Variants in YIPF7 observed in about 807,000 individuals in gnomAD.
YIPF7 encodes Yip1 domain family member 7, also known as protein YIPF7.
YIPF7 carries 35 observed loss-of-function variants against 27.2 expected under a neutral mutation model. The ratio of observed to expected loss-of-function variants is 1.29; its 90% CI spans 0.98 to 1.70. The LOEUF is 1.70. YIPF7 is among the 40% of genes most tolerant of loss of function. The probability of loss-of-function intolerance (pLI) is 0.00; values close to 1 mark genes in which losing one functional copy is unlikely to be tolerated. For synonymous variants in YIPF7, 137 were observed against 110.4 expected, an observed-to-expected ratio of 1.24 and a Z score of -1.51; for missense variants, 358 against 303.7, an observed-to-expected ratio of 1.18 and a Z score of -1.33.
At chr4:44,646,707 T>C (rs1713537656) in intron 2 of YIPF7, among the ~76,000 whole-genome samples, 1 of 152,104 alleles carries the variant, frequency 6.6e-6, no homozygotes, top group African/African-American at 2.4e-5. Flanking sequence ...CTTCACCGTC[T>C]TAGTGAGCAC....
At chr4:44,626,763 C>CTTTTTTTTTTTTTTTTTTTTTT (rs71190269) in intron 4 of YIPF7, among the ~76,000 whole-genome samples, 3 of 69,768 alleles carry the variant, frequency 4.3e-5, no homozygotes, top group Non-Finnish European at 2.4e-5. Context: ...ATTAGCACAT[C>CTTTTTTTTTTTTTTTTTTTTTT]TTTTTTTTTT....
At chr4:44,642,022 G>A (rs1713343350) in intron 2 of YIPF7, among the ~76,000 whole-genome samples, 1 of 151,690 alleles carries the variant, frequency 6.6e-6, no homozygotes, top group Non-Finnish European at 1.5e-5. Context: ...AAAATGAAAG[G>A]GACACACAAA....
At chr4:44,656,519 G>A (rs1713905347), upstream of YIPF7, among the ~76,000 whole-genome samples, 2 of 151,872 alleles carry the variant, frequency 1.3e-5, 1 homozygote, top group Admixed American at 1.3e-4. Flanking sequence ...TAAAATATGA[G>A]GATTAGATAG....
upstream of YIPF7, among the ~76,000 whole-genome samples, chr4:44,654,201 G>T (rs1395726490): frequency 6.6e-6 from 1 of 151,834 alleles, no homozygotes; most frequent in East Asian, 1.9e-4. Context: ...CATTTAAGTG[G>T]GTTTTTTCCA....
At chr4:44,636,568 T>G (rs1475290333) in intron 2 of YIPF7, among the ~76,000 whole-genome samples, 1 of 152,038 alleles carries the variant, frequency 6.6e-6, no homozygotes, top group Non-Finnish European at 1.5e-5. Flanking sequence ...CCTCCAAATA[T>G]GTGGAAGCAG....
At chr4:44,654,616 G>T (rs2109604740), upstream of YIPF7, among the ~76,000 whole-genome samples, 1 of 152,058 alleles carries the variant, frequency 6.6e-6, no homozygotes. Context: ...CAGACTATTT[G>T]ATAGACATTT....
intron 4 of YIPF7, among the ~76,000 whole-genome samples, chr4:44,627,893 A>G (rs1301894685): frequency 6.6e-6 from 1 of 152,164 alleles, no homozygotes; most frequent in Non-Finnish European, 1.5e-5. Flanking sequence ...CTTTGTATTT[A>G]AAATATAAGA....
At chr4:44,652,506 C>A (rs1199356811), upstream of YIPF7, among the ~76,000 whole-genome samples, 1 of 152,224 alleles carries the variant, frequency 6.6e-6, no homozygotes, top group East Asian at 1.9e-4. Context: ...ACTTAAGAAT[C>A]TTCAACTGGA....
chr4:44,629,741 T>TA (rs1712817042), intron 3 of YIPF7, among the ~76,000 whole-genome samples, 193 bp from the exon 4 acceptor site: 2 of 152,070 alleles, frequency 1.3e-5, no homozygotes, highest in African/African-American at 2.4e-5. Flanking sequence ...ATAATAATCT[T>TA]AAAAAACAAA....
intron 3 of YIPF7, among the ~76,000 whole-genome samples, chr4:44,630,150 T>C (rs1712836058): frequency 6.6e-6 from 1 of 152,058 alleles, no homozygotes; most frequent in Non-Finnish European, 1.5e-5. Context: ...TTTTCTTCCA[T>C]AGTGGCGAGG....
chr4:44,640,088 T>C (rs188001975), intron 2 of YIPF7, among the ~76,000 whole-genome samples: 22 of 152,310 alleles, frequency 1.4e-4, no homozygotes, highest in African/African-American at 4.8e-4. Context: ...TGCATTTGGT[T>C]TGCTAGTATT....
At chr4:44,654,574 A>C (rs1023187290), upstream of YIPF7, among the ~76,000 whole-genome samples, 1 of 151,934 alleles carries the variant, frequency 6.6e-6, no homozygotes, top group Non-Finnish European at 1.5e-5. Flanking sequence ...TCCCAAAGTT[A>C]CATATGCATC....
intron 4 of YIPF7, among the ~76,000 whole-genome samples, chr4:44,628,411 C>T (rs577484522): frequency 6.6e-6 from 1 of 152,156 alleles, no homozygotes; most frequent in South Asian, 2.1e-4. Flanking sequence ...ATTGTATATC[C>T]ATTGGAAGAA....
At chr4:44,630,834 GAGATGAACTA>G (rs1374151582) in intron 3 of YIPF7, among the ~76,000 whole-genome samples, 1 of 152,170 alleles carries the variant, frequency 6.6e-6, no homozygotes, top group African/African-American at 2.4e-5. Context: ...CGCTTCTGTA[GAGATGAACTA>G]AGATGTATCT....
intron 2 of YIPF7, 71 bp downstream of exon 2, chr4:44,649,914 A>G (rs1335726070): frequency 1.2e-6 from 1 of 842,094 alleles, no homozygotes; most frequent in Admixed American, 2.9e-5. Flanking sequence ...AATATATTGA[A>G]TTTTTACAAT....
intron 3 of YIPF7, 101 bp downstream of exon 3, chr4:44,635,821 A>T: frequency 7.6e-7 from 1 of 1,322,474 alleles, no homozygotes; most frequent in Non-Finnish European, 1.0e-6. Flanking sequence ...ACAATCAAAC[A>T]TAAGACACTG....
Position 44,629,448 on chromosome 4 carries a change from A to C in YIPF7, c.381T>G (p.Thr127=), listed in dbSNP as rs376356565. ...DGSIMNETDL[T]GPILFCVALG... ...GGGCTACGCAAAAAAGAATGGGTCCAGTGAGGTCCGTTTCATTCATAATGC... is the reference window on the plus strand; with the variant it reads ...GGGCTACGCAAAAAAGAATGGGTCCCGTGAGGTCCGTTTCATTCATAATGC... The change falls in exon 4 of 6, where the codon ACT becomes ACG. Residue 127 remains threonine, a synonymous_variant. Transcript: ENST00000415895. 1.9e-6 allele frequency: 3 copies of C among 1,603,158 alleles called. No individual in the cohort carries two copies. Among genetic ancestry groups the C allele is most frequent in the South Asian group, 1.1e-5 (1 of 88,680 alleles).
At chr4:44,635,278 G>A (rs1325986531) in intron 3 of YIPF7, among the ~76,000 whole-genome samples, 2 of 151,574 alleles carry the variant, frequency 1.3e-5, no homozygotes, top group African/African-American at 4.9e-5. Flanking sequence ...ATACAGACTG[G>A]CTACATATGA....
upstream of YIPF7, among the ~76,000 whole-genome samples, chr4:44,652,551 C>T (rs2109603476): frequency 6.6e-6 from 1 of 152,350 alleles, no homozygotes; most frequent in Admixed American, 6.5e-5. Flanking sequence ...TTTTTTTCCA[C>T]ATTGTTTAAA....
Sources: gnomAD v4.1 joint callset for allele counts (sites outside exome capture counted in the v4.1 genomes callset) on GRCh38, gnomAD v4.1.1 for gene constraint, MANE v1.5 for transcripts, NCBI Gene and HGNC (gene_info 2026-07-23, HGNC 2026-07-21) for gene names.